KCNIP4: variants seen among roughly 807,000 people sequenced by gnomAD.
The protein encoded by KCNIP4 is potassium voltage-gated channel interacting protein 4.
In KCNIP4, 12 loss-of-function variants were observed where a neutral mutation model predicts 34.0. That is an observed-to-expected ratio of 0.35 (90% CI 0.23 to 0.57). KCNIP4 has a LOEUF of 0.57. Ranked by LOEUF, KCNIP4 falls within the 20% of genes least tolerant of loss-of-function variation. KCNIP4 has a pLI of 0.83. For missense variants in KCNIP4, 238 were observed against 311.7 expected (o/e 0.76, Z 1.78); for synonymous variants, 124 against 102.2 (o/e 1.21, Z -1.29).
At chr4:20,941,040 C>T (rs181259472) in intron 1 of KCNIP4, among the ~76,000 whole-genome samples, 5 of 152,220 alleles carry the variant, frequency 3.3e-5, no homozygotes, top group South Asian at 4.1e-4. Flanking sequence ...TATTTTGAGA[C>T]GACATGAGTT....
intron 1 of KCNIP4, among the ~76,000 whole-genome samples, chr4:21,452,766 T>C (rs1728615317): frequency 6.7e-6 from 1 of 148,304 alleles, no homozygotes; most frequent in Non-Finnish European, 1.5e-5. Context: ...TTGTCTGCTA[T>C]CTCTGAAAAA....
intron 3 of KCNIP4, among the ~76,000 whole-genome samples, chr4:20,832,778 A>G (rs1437635333): frequency 6.7e-6 from 1 of 150,140 alleles, no homozygotes; most frequent in Admixed American, 6.6e-5. Context: ...GTGATGTTTT[A>G]TCTCACTGTA....
intron 1 of KCNIP4, among the ~76,000 whole-genome samples, chr4:21,777,436 C>T (rs545097115): frequency 2.4e-4 from 36 of 151,528 alleles, no homozygotes; most frequent in Admixed American, 2.1e-3. Flanking sequence ...TATGGTGCCA[C>T]AAAGCATACC....
intron 1 of KCNIP4, among the ~76,000 whole-genome samples, chr4:21,312,575 C>T (rs1713302348): frequency 1.3e-5 from 2 of 152,162 alleles, no homozygotes; most frequent in African/African-American, 4.8e-5. Flanking sequence ...GACGGGGGTT[C>T]CTTCGGTTTC....
chr4:21,944,556 C>CAA lies in KCNIP4; in HGVS notation c.61+4013_61+4014dup, dbSNP rs5856680. 7.0e-3 allele frequency among the ~76,000 whole-genome samples: 730 copies of CAA among 103,728 alleles called. 17 individuals are homozygous for CAA. The highest frequency in any genetic ancestry group is 0.012 in the Middle Eastern group (2 of 170). The allele number at this position is 103,728 out of a possible 152,430, so 68.0% of individuals were successfully genotyped here. ...TGGGCAACAGAATGAGACTCCGTCTCAAAAAAAAAAAAAAAAAAAAAAGAG... is the reference window on the plus strand; with the variant it reads ...TGGGCAACAGAATGAGACTCCGTCTCAAAAAAAAAAAAAAAAAAAAAAAAGAG... On this transcript the variant is annotated intron_variant, in intron 1 of 8. Coordinates refer to ENST00000382152, the MANE Select transcript of KCNIP4 (RefSeq NM_025221.6).
chr4:21,488,406 A>T (rs912462603), intron 1 of KCNIP4, among the ~76,000 whole-genome samples: 3 of 152,178 alleles, frequency 2.0e-5, no homozygotes, highest in African/African-American at 7.2e-5. Context: ...TACCATTTTT[A>T]AATTATTTCC....
chr4:21,017,354 CT>C (rs1458192607), intron 1 of KCNIP4, among the ~76,000 whole-genome samples: 1 of 152,180 alleles, frequency 6.6e-6, no homozygotes, highest in East Asian at 1.9e-4. Flanking sequence ...TCCCAACCCC[CT>C]GACAGGCTCT....
intron 1 of KCNIP4, among the ~76,000 whole-genome samples, chr4:21,190,650 T>G (rs1755571164): frequency 6.6e-6 from 1 of 152,152 alleles, no homozygotes. Context: ...CAACCAACAT[T>G]CTAAACCCCA....
At chr4:21,649,325 T>C (rs997574056) in intron 1 of KCNIP4, among the ~76,000 whole-genome samples, 3 of 152,206 alleles carry the variant, frequency 2.0e-5, no homozygotes, top group African/African-American at 7.2e-5. Flanking sequence ...ATTCCCATCA[T>C]TGGAGCCTGT....
intron 1 of KCNIP4, among the ~76,000 whole-genome samples, chr4:21,479,276 A>G (rs1258977318): frequency 6.6e-6 from 1 of 152,206 alleles, no homozygotes; most frequent in African/African-American, 2.4e-5. Context: ...AGCAAAATGG[A>G]AAATATTTTA....
intron 1 of KCNIP4, among the ~76,000 whole-genome samples, chr4:21,451,167 GT>G (rs113238294): frequency 0.01 from 1,539 of 152,214 alleles, 27 homozygotes; most frequent in African/African-American, 0.035. Context: ...ACAGCAAGTG[GT>G]TTTGTTAATG....
chr4:21,334,752 A>C (rs6448045), intron 1 of KCNIP4, among the ~76,000 whole-genome samples: 1 of 151,740 alleles, frequency 6.6e-6, no homozygotes, highest in African/African-American at 2.4e-5. Context: ...TTTATATAAA[A>C]TGTATTATAC....
chr4:21,772,911 T>C (rs1043847103), intron 1 of KCNIP4, among the ~76,000 whole-genome samples: 7 of 152,244 alleles, frequency 4.6e-5, no homozygotes, highest in African/African-American at 1.7e-4. Flanking sequence ...TTCATGTCTC[T>C]ATCTCATTCA....
Position 20,729,050 on chromosome 4 carries a change from AT to A in KCNIP4, c.*1031del. 1.4e-5 allele frequency: 1 copy of A among 69,806 alleles called. No individual in the cohort carries two copies. The highest frequency in any genetic ancestry group is 7.6e-5 in the African/African-American group (1 of 13,212). 4.3% of individuals were successfully genotyped at this position (69,806 alleles called of 1,614,324 possible). A position where few individuals can be genotyped will look rare whatever the true frequency, so the allele number is the denominator to read the frequency against. ...GGAACCACTGGTGCTTTCAAAGTGAATTTTGCTTGCTAATTTTGCTTGCTGT... is the reference window on the plus strand; with the variant it reads ...GGAACCACTGGTGCTTTCAAAGTGAATTTGCTTGCTAATTTTGCTTGCTGT... On this transcript the variant is annotated 3_prime_UTR_variant, in exon 9 of 9. Transcript: ENST00000382152.
intron 1 of KCNIP4, among the ~76,000 whole-genome samples, chr4:21,153,317 T>A (rs1752891601): frequency 6.6e-6 from 1 of 152,074 alleles, no homozygotes; most frequent in Admixed American, 6.5e-5. Flanking sequence ...TTTTCATATT[T>A]TGTATAGATA....
At chr4:21,127,127 C>T (rs772751655) in intron 1 of KCNIP4, among the ~76,000 whole-genome samples, 11 of 152,186 alleles carry the variant, frequency 7.2e-5, no homozygotes, top group Non-Finnish European at 1.5e-4. Flanking sequence ...TTACTCATCA[C>T]TCAGGTCTCA....
Position 20,732,741 on chromosome 4 carries a change from T to C in KCNIP4, c.582A>G (p.Lys194=). ...CTTCTTTGAGGACAGGATATGTACA[T>C]TTACCCATCATATCGTATATTGCTT... The part of the protein sequence containing the change: ...IMKAIYDMMG[K]CTYPVLKEDA... Residue 194 remains lysine, a synonymous_variant, in exon 7 of 9, where the codon AAA becomes AAG. Transcript: ENST00000382152. 1 of 1,612,664 alleles carries C rather than the reference T, an allele frequency of 6.2e-7. No homozygotes were observed. Among genetic ancestry groups the C allele is most frequent in the East Asian group, 2.2e-5 (1 of 44,850 alleles).
At chr4:21,475,099 T>C (rs1349812459) in intron 1 of KCNIP4, among the ~76,000 whole-genome samples, 2 of 152,114 alleles carry the variant, frequency 1.3e-5, no homozygotes, top group Non-Finnish European at 2.9e-5. Context: ...CCTTATATTC[T>C]TTACAGTTTT....
chr4:21,891,958 A>T (rs1727121797), intron 1 of KCNIP4, among the ~76,000 whole-genome samples: 1 of 152,060 alleles, frequency 6.6e-6, no homozygotes, highest in Admixed American at 6.6e-5. Flanking sequence ...AAAGAAGGGG[A>T]AAGTTTGGAA....
Sources: gnomAD v4.1 joint callset for allele counts (sites outside exome capture counted in the v4.1 genomes callset) on GRCh38, gnomAD v4.1.1 for gene constraint, MANE v1.5 for transcripts, NCBI Gene and HGNC (gene_info 2026-07-23, HGNC 2026-07-21) for gene names.